GATA4: variants seen among roughly 807,000 people sequenced by gnomAD.
GATA4 encodes GATA binding protein 4.
In GATA4, 7 loss-of-function variants were observed where a neutral mutation model predicts 37.9. That is an observed-to-expected ratio of 0.18 (90% CI 0.11 to 0.35). The LOEUF (loss-of-function observed/expected upper bound fraction) is 0.35. Among genes scored for constraint, GATA4 ranks in the 10% least tolerant of loss-of-function variants. The pLI is 1.00. For missense variants in GATA4, 647 were observed against 653.0 expected, an observed-to-expected ratio of 0.99 and a Z score of 0.10; for synonymous variants, 372 against 292.6, an observed-to-expected ratio of 1.27 and a Z score of -2.77.
At chr8:11,716,436 C>T (rs999363860) in intron 2 of GATA4, among the ~76,000 whole-genome samples, 1 of 151,958 alleles carries the variant, frequency 6.6e-6, no homozygotes, top group Non-Finnish European at 1.5e-5. Context: ...TGGGGGTTTT[C>T]CTTTATGCTC....
In GATA4 at chr8:11,755,108, C is replaced by T. The variant is rs1184738899; in HGVS notation, c.975C>T (p.Asn325=). ...AAACCAGAAAACGGAAGCCCAAGAA[C>T]CTGAATAAATCTAAGACACCAGCAG... is the stretch of plus-strand genomic sequence containing the variant. ...GIQTRKRKPK[N]LNKSKTPAAP... Residue 325 remains asparagine (N), a synonymous_variant, in exon 5 of 7, where the codon AAC becomes AAT. Transcript: ENST00000532059. 1 of 1,613,962 alleles carries T rather than the reference C, an allele frequency of 6.2e-7. No homozygotes were observed. Among genetic ancestry groups the T allele is most frequent in the African/African-American group, 1.3e-5 (1 of 74,938 alleles).
At chr8:11,738,653 G>A (rs1266512662) in intron 2 of GATA4, among the ~76,000 whole-genome samples, 1 of 152,216 alleles carries the variant, frequency 6.6e-6, no homozygotes, top group Non-Finnish European at 1.5e-5. Flanking sequence ...ATAAATTCCT[G>A]GAAGTGGAGT....
At chr8:11,715,857 AAT>A (rs1800413252) in intron 2 of GATA4, among the ~76,000 whole-genome samples, 1 of 152,116 alleles carries the variant, frequency 6.6e-6, no homozygotes, top group Non-Finnish European at 1.5e-5. Flanking sequence ...TGCCCATTAA[AAT>A]ACCACTCCCA....
intron 2 of GATA4, among the ~76,000 whole-genome samples, chr8:11,746,328 C>T (rs1437066755): frequency 2.6e-5 from 4 of 152,202 alleles, no homozygotes; most frequent in African/African-American, 9.6e-5. Context: ...TGTGATTGCA[C>T]CACTACACTC....
chr8:11,743,809 G>A (rs1055888787), intron 2 of GATA4, among the ~76,000 whole-genome samples: 3 of 152,200 alleles, frequency 2.0e-5, no homozygotes, highest in Non-Finnish European at 4.4e-5. Flanking sequence ...GGTGGGAGCA[G>A]CTTGTTTAAT....
chr8:11,749,094 G>T lies in GATA4; in HGVS notation c.786+9G>T, dbSNP rs752147603. On this transcript the variant is annotated intron_variant, in intron 3 of 6. Transcript: ENST00000532059. This position sits in a 1 kb window ranked among gnomAD's most constrained non-coding sequence, Gnocchi z 4.6. ...AGCCTCAGCGCCGGCTGGTAAGCAC[G>T]TGCCTCGCAGCCTCCTCTGGGCACC... 1.9e-6 allele frequency: 3 copies of T among 1,613,818 alleles called. No homozygotes were observed. In the East Asian group the frequency reaches 6.7e-5, roughly 36 times the overall value.
chr8:11,683,678 G>A (rs1020231211), intron 1 of GATA4, among the ~76,000 whole-genome samples: 6 of 152,178 alleles, frequency 3.9e-5, no homozygotes, highest in Admixed American at 2.6e-4. Flanking sequence ...GGAGACTGGG[G>A]CGGGACCCTA....
chr8:11,729,175 A>G (rs928614523), intron 2 of GATA4, among the ~76,000 whole-genome samples: 2 of 152,186 alleles, frequency 1.3e-5, no homozygotes, highest in East Asian at 1.9e-4. Flanking sequence ...GTGAGCCATG[A>G]TCGTGCCACT....
intron 1 of GATA4, among the ~76,000 whole-genome samples, chr8:11,686,933 G>A (rs149897376): frequency 0.01 from 1,549 of 152,086 alleles, 18 homozygotes; most frequent in African/African-American, 0.035. Flanking sequence ...GGGAGGCGGA[G>A]GTTGCAGTGA....
intron 2 of GATA4, among the ~76,000 whole-genome samples, chr8:11,739,256 A>T (rs1801605623): frequency 1.3e-5 from 2 of 152,348 alleles, no homozygotes; most frequent in South Asian, 4.1e-4. Context: ...TCCAATTGTC[A>T]TGTAATAAAC....
intron 1 of GATA4, among the ~76,000 whole-genome samples, chr8:11,682,727 GAAC>G (rs1160896892): frequency 2.6e-5 from 4 of 152,232 alleles, no homozygotes; most frequent in Non-Finnish European, 5.9e-5. Context: ...AATGATTGCA[GAAC>G]AACAAAAATT....
intron 2 of GATA4, among the ~76,000 whole-genome samples, chr8:11,711,250 G>A (rs188132345): frequency 6.6e-6 from 1 of 152,324 alleles, no homozygotes; most frequent in East Asian, 1.9e-4. Context: ...CTCCCTGTGC[G>A]TCTCTCTGCC....
intron 2 of GATA4, among the ~76,000 whole-genome samples, chr8:11,725,865 G>A (rs1164027737): frequency 6.6e-6 from 1 of 152,214 alleles, no homozygotes; most frequent in East Asian, 1.9e-4. Flanking sequence ...GGGCCCGGGG[G>A]GTGGGGTGGC....
chr8:11,736,028 C>T (rs1801437957), intron 2 of GATA4, among the ~76,000 whole-genome samples: 1 of 152,164 alleles, frequency 6.6e-6, no homozygotes, highest in Non-Finnish European at 1.5e-5. Flanking sequence ...CCTCCTACCT[C>T]AGCCTCTGGA....
intron 1 of GATA4, among the ~76,000 whole-genome samples, chr8:11,695,213 C>G (rs1290428891): frequency 6.6e-6 from 1 of 152,106 alleles, no homozygotes; most frequent in African/African-American, 2.4e-5. Flanking sequence ...CGAGACCAGC[C>G]TGACCAACAT....
chr8:11,749,696 C>A lies in GATA4; in HGVS notation c.787-415C>A, dbSNP rs938243757. Among the ~76,000 whole-genome samples, 1 of 152,166 alleles carries A rather than the reference C, an allele frequency of 6.6e-6. No homozygotes were observed. Among genetic ancestry groups the A allele is most frequent in the African/African-American group, 2.4e-5 (1 of 41,432 alleles). On this transcript the variant is annotated intron_variant, in intron 3 of 6. Transcript: ENST00000532059. This position sits in a 1 kb window ranked among gnomAD's most constrained non-coding sequence, Gnocchi z 4.6. ...ACCTGGTGCCTCCCTTTCTTGAGGTCCCAGGGCCATTCAGACTTTGATACC... is the reference window on the plus strand; with the variant it reads ...ACCTGGTGCCTCCCTTTCTTGAGGTACCAGGGCCATTCAGACTTTGATACC...
At chr8:11,685,729 A>T (rs1799114008) in intron 1 of GATA4, among the ~76,000 whole-genome samples, 1 of 152,218 alleles carries the variant, frequency 6.6e-6, no homozygotes, top group African/African-American at 2.4e-5. Flanking sequence ...GTGTTTCTGA[A>T]ATTGAAAACA....
upstream of GATA4, among the ~76,000 whole-genome samples, chr8:11,703,468 C>A (rs1028819463): frequency 6.6e-6 from 1 of 152,304 alleles, no homozygotes; most frequent in Non-Finnish European, 1.5e-5. Flanking sequence ...CTCCCCAGCC[C>A]TTGCCACGTC....
At chr8:11,754,611 C>G (rs1802461514) in intron 4 of GATA4, among the ~76,000 whole-genome samples, 1 of 152,200 alleles carries the variant, frequency 6.6e-6, no homozygotes, top group Non-Finnish European at 1.5e-5. Context: ...CCTCTGTCTA[C>G]TCAAAACCTT....
Sources: allele counts gnomAD v4.1 joint callset (sites outside exome capture counted in the v4.1 genomes callset), GRCh38; gene constraint gnomAD v4.1.1; non-coding constraint Gnocchi (gnomAD v3.1); transcripts MANE v1.5; gene names NCBI Gene and HGNC (gene_info 2026-07-23, HGNC 2026-07-21).